The following KIAA1210 variants were observed in gnomAD, a reference collection of about 807,000 sequenced individuals.
KIAA1210 encodes KIAA1210.
In KIAA1210, 48 loss-of-function variants were observed where a neutral mutation model predicts 78.9. That is an observed-to-expected ratio of 0.61 (90% CI 0.48 to 0.77). KIAA1210 has a LOEUF of 0.77. Ranked by LOEUF, KIAA1210 falls within the 30% of genes least tolerant of loss-of-function variation. The pLI is 0.00. For missense variants in KIAA1210, 1,108 were observed against 1,100.0 expected, an observed-to-expected ratio of 1.01 and a Z score of -0.10; for synonymous variants, 406 against 404.5, an observed-to-expected ratio of 1.00 and a Z score of -0.04.
At chrX:119,128,884 A>G (rs933861520), upstream of KIAA1210, among the ~76,000 whole-genome samples, 3 of 111,360 alleles carry the variant, frequency 2.7e-5, no homozygotes, top group African/African-American at 9.8e-5. Flanking sequence ...CATGTTGGTC[A>G]GGCTGGTCTC....
chrX:119,135,110 GTCATA>G (rs778380163), intron 2 of KIAA1210, among the ~76,000 whole-genome samples: 5 of 111,831 alleles, frequency 4.5e-5, no homozygotes, highest in Non-Finnish European at 9.4e-5. Context: ...TCTGTGCAAG[GTCATA>G]CACGTTGTGA....
At position 119,083,098 on chromosome X, in the gene KIAA1210, T is replaced by C. The variant is rs1569310585; in HGVS notation, c.4343A>G (p.Asn1448Ser). Residue 1448 changes from asparagine (N) to serine (S), a missense_variant, in exon 11 of 12, where the codon AAC becomes AGC. By Grantham distance (46) the Asn-to-Ser change is conservative (BLOSUM62 1). This residue lies in a region of KIAA1210 where 245 missense variants were observed against 278.8 expected (regional missense o/e 0.88). Transcript: ENST00000691062. ...GGAAGTGAACATCTTTTTAGGTTGG[T>C]TTTCATTTGCAGAGCCAGCTCCCTT... ...KYEGAGSANE[N>S]QPKKMFTSSV... is the part of the protein sequence containing the mutation. 1 of 1,205,903 alleles carries C rather than the reference T, an allele frequency of 8.3e-7. No individual in the cohort carries two copies. The highest frequency in any genetic ancestry group is 1.7e-5 in the African/African-American group (1 of 57,571).
chrX:119,089,787 C>T (rs368091637), intron 8 of KIAA1210, 41 bp from the exon 9 acceptor site: 14 of 1,096,723 alleles, frequency 1.3e-5, no homozygotes, highest in Admixed American at 2.7e-5. Context: ...ATATGTGTGA[C>T]TTTCACTTCC....
Position 119,088,815 on chromosome X carries a change from C to G in KIAA1210, c.1887G>C (p.Leu629Phe). 1 of 1,211,211 alleles carries G rather than the reference C, an allele frequency of 8.3e-7. No individual in the cohort carries two copies. Among genetic ancestry groups the G allele is most frequent in the South Asian group, 1.8e-5 (1 of 56,913 alleles). Residue 629 changes from leucine to phenylalanine, a missense_variant, in exon 9 of 12, where the codon TTG becomes TTC. Physicochemically the swap from Leu to Phe is conservative, Grantham distance 22. Coordinates refer to ENST00000691062, the MANE Select transcript of KIAA1210 (RefSeq NM_001394962.1). ...ELAHGHSSQS[L>F]GKFEDEQEVF... is the part of the protein sequence containing the mutation. ...CTTCTTGTTCATCTTCAAACTTCCC[C>G]AAGGACTGGGAAGAGTGACCATGAG...
intron 6 of KIAA1210, among the ~76,000 whole-genome samples, chrX:119,097,948 T>G (rs780705021): frequency 2.7e-5 from 3 of 112,349 alleles, no homozygotes; most frequent in Non-Finnish European, 5.6e-5. Flanking sequence ...TGATATCATC[T>G]AGTTAGATTA....
At chrX:119,133,747 A>T (rs1299259908) in intron 2 of KIAA1210, among the ~76,000 whole-genome samples, 2 of 104,197 alleles carry the variant, frequency 1.9e-5, no homozygotes, top group Admixed American at 1.1e-4. Context: ...AACAATCTTG[A>T]TGGCCATTTA....
At position 119,089,603 on chromosome X, in the gene KIAA1210, T is replaced by G. The variant is rs766068743; in HGVS notation, c.1099A>C (p.Ser367Arg). The G allele has an allele frequency of 4.1e-6, 5 of 1,210,095 alleles. No homozygotes were observed. In the South Asian group the frequency reaches 8.8e-5, roughly 21 times the overall value. The change falls in exon 9 of 12, where the codon AGT becomes CGT. Residue 367 changes from serine to arginine, a missense_variant. Transcript: ENST00000691062. ...TCACACCCACTCAATCCTGAAACACTTGCTCCTTTTCTTCTCCATCTTCTT... is the reference window on the plus strand; with the variant it reads ...TCACACCCACTCAATCCTGAAACACGTGCTCCTTTTCTTCTCCATCTTCTT... ...YGRRWRRKGA[S>R]VSGLSGCEFK...
At position 119,088,265 on chromosome X, in the gene KIAA1210, G is replaced by C. The variant is rs770364933; in HGVS notation, c.2437C>G (p.Pro813Ala). ...KPLPPKLLCQPLMNPKVQQNM... is the reference protein window; with the variant it reads ...KPLPPKLLCQALMNPKVQQNM... ...TGTTGAACTTTAGGATTCATCAAGG[G>C]CTGGCAAAGAAGTTTAGGAGGCAGA... The change falls in exon 9 of 12, where the codon CCC becomes GCC. Residue 813 changes from proline to alanine, a missense_variant. Pro to Ala is a conservative substitution (Grantham distance 27). This residue lies in a region of KIAA1210 where 672 missense variants were observed against 607.1 expected (regional missense o/e 1.11). Coordinates refer to ENST00000691062, the MANE Select transcript of KIAA1210 (RefSeq NM_001394962.1). 49 of 1,211,545 alleles carry C rather than the reference G, an allele frequency of 4.0e-5. No homozygotes were observed. Among genetic ancestry groups the C allele is most frequent in the Non-Finnish European group, 5.2e-5 (47 of 895,334 alleles).
At position 119,086,541 on chromosome X, in the gene KIAA1210, C is replaced by A; in HGVS notation, c.4156+5G>T. On this transcript the variant is annotated splice_donor_5th_base_variant and intron_variant, in intron 9 of 11. Transcript: ENST00000691062. ...GCTTGCCATCTGGAGAGATAAAAGCCTTACCTGGGGTCTTGCAAGCAGGTT... is the reference window on the plus strand; with the variant it reads ...GCTTGCCATCTGGAGAGATAAAAGCATTACCTGGGGTCTTGCAAGCAGGTT... 8.4e-7 allele frequency: 1 copy of A among 1,191,323 alleles called. No homozygotes were observed. Among genetic ancestry groups the A allele is most frequent in the Non-Finnish European group, 1.1e-6 (1 of 887,285 alleles).
chrX:119,147,045 C>T (rs1332475330), intron 2 of KIAA1210, among the ~76,000 whole-genome samples: 1 of 111,487 alleles, frequency 9.0e-6, no homozygotes, highest in Non-Finnish European at 1.9e-5. Context: ...ATTTCTGGTG[C>T]TTTCAAATGG....
chrX:119,097,045 A>C (rs907020517), intron 6 of KIAA1210, among the ~76,000 whole-genome samples: 4 of 111,403 alleles, frequency 3.6e-5, no homozygotes, highest in African/African-American at 1.3e-4. Flanking sequence ...TATCAACAGG[A>C]CATCTGGCTG....
chrX:119,079,384 C>T lies in KIAA1210; in HGVS notation c.*1945G>A, dbSNP rs1297704265. The T allele has an allele frequency of 8.9e-6, 1 of 111,802 alleles. No homozygotes were observed. The highest frequency in any genetic ancestry group is 1.9e-5 in the Non-Finnish European group (1 of 53,097). The allele number at this position is 111,802 out of a possible 1,213,427, so 9.2% of individuals were successfully genotyped here. A position where few individuals can be genotyped will look rare whatever the true frequency, so the allele number is the denominator to read the frequency against. On this transcript the variant is annotated 3_prime_UTR_variant, in exon 12 of 12. Coordinates refer to ENST00000691062, the MANE Select transcript of KIAA1210 (RefSeq NM_001394962.1). ...CTAGAAAAATGAGCTAGGTTTACTG[C>T]CCAGACATCCAAAGGGAGCTCTCCC...
rs1212336316 is a variant in KIAA1210, at chrX:119,108,031, G to A, written c.492+306C>T. ...GGTATAAAGAAGTTGAGCATCTTGG[G>A]GTAATGGAAAGATCATGGGGTTTGA... On this transcript the variant is annotated intron_variant, in intron 5 of 11. Coordinates refer to ENST00000691062, the MANE Select transcript of KIAA1210 (RefSeq NM_001394962.1). Among the ~76,000 whole-genome samples, 3 of 111,771 alleles carry A rather than the reference G, an allele frequency of 2.7e-5. No homozygotes were observed. The East Asian group carries it at 8.5e-4, about 32-fold the overall frequency.
chrX:119,111,820 A>C (rs1288641397), intron 3 of KIAA1210, among the ~76,000 whole-genome samples: 2 of 112,022 alleles, frequency 1.8e-5, no homozygotes, highest in African/African-American at 3.2e-5. Context: ...AAATTCTTAG[A>C]AAAAACATAG....
upstream of KIAA1210, among the ~76,000 whole-genome samples, chrX:119,130,515 T>TA (rs768513345): frequency 6.2e-5 from 7 of 112,965 alleles, no homozygotes; most frequent in Non-Finnish European, 1.3e-4. Flanking sequence ...TACCAGCACC[T>TA]AGCACAATAC....
chrX:119,108,534 T>G, intron 4 of KIAA1210, 63 bp from the exon 5 acceptor site: 1 of 1,142,426 alleles, frequency 8.8e-7, no homozygotes. Context: ...CAGTGGAATG[T>G]TGCTGCCAAA....
rs373446616 is a variant in KIAA1210 at position 119,105,104 on chromosome X, A to C, written c.536T>G (p.Val179Gly). 13 of 1,208,337 alleles carry C rather than the reference A, an allele frequency of 1.1e-5. No homozygotes were observed. The African/African-American group carries it at 2.3e-4, about 21-fold the overall frequency. ...CTTAGAAATTATTTCAGGTTGGATAACAGGTGGGATGATGCTGAGTCGGCG... is the reference window on the plus strand; with the variant it reads ...CTTAGAAATTATTTCAGGTTGGATACCAGGTGGGATGATGCTGAGTCGGCG... ...RRRRLSIIPP[V>G]IQPEIISKNL... The change falls in exon 6 of 12, where the codon GTT becomes GGT. Residue 179 changes from valine to glycine, a missense_variant. This residue lies in a region of KIAA1210 where 672 missense variants were observed against 607.1 expected (regional missense o/e 1.11). Coordinates refer to ENST00000691062, the MANE Select transcript of KIAA1210 (RefSeq NM_001394962.1).
exon 2 of KIAA1210, chrX:119,147,576 C>G: frequency 8.3e-7 from 1 of 1,210,213 alleles, no homozygotes; most frequent in Non-Finnish European, 1.1e-6. Context: ...ACTGCAGTGC[C>G]ACAAAAGCAT....
intron 2 of KIAA1210, among the ~76,000 whole-genome samples, chrX:119,137,689 AT>A (rs1431480941): frequency 1.9e-4 from 21 of 112,103 alleles, no homozygotes; most frequent in Non-Finnish European, 2.8e-4. Context: ...TTTTTTTACA[AT>A]TTTTTTAAGC....
Sources: gnomAD v4.1 joint callset for allele counts (sites outside exome capture counted in the v4.1 genomes callset) on GRCh38, gnomAD v4.1.1 for gene constraint, gnomAD v4.1.1 regional missense constraint, MANE v1.5 for transcripts, NCBI Gene and HGNC (gene_info 2026-07-23, HGNC 2026-07-21) for gene names.